The following ADCY3 variants were observed in gnomAD, a reference collection of about 807,000 sequenced individuals.
The protein encoded by ADCY3 is adenylate cyclase type 3.
A neutral mutation model predicts 119.4 loss-of-function variants in ADCY3; 70 were observed. The observed-to-expected ratio is 0.59, with a 90% CI of 0.48 to 0.72. ADCY3 has a LOEUF of 0.72. Ranked by LOEUF, ADCY3 falls within the 30% of genes least tolerant of loss-of-function variation. The probability of loss-of-function intolerance (pLI) is 0.00; values close to 1 mark genes in which losing one functional copy is unlikely to be tolerated. For missense variants in ADCY3, 1,238 were observed against 1,541.6 expected (o/e 0.80, Z 3.30); for synonymous variants, 672 against 621.4 (o/e 1.08, Z -1.21).
intron 3 of ADCY3, among the ~76,000 whole-genome samples, chr2:24,849,737 C>A (rs901413356): frequency 6.6e-6 from 1 of 152,164 alleles, no homozygotes; most frequent in African/African-American, 2.4e-5. Flanking sequence ...CACACGGAAC[C>A]TGACAGAGGG....
intron 2 of ADCY3, among the ~76,000 whole-genome samples, chr2:24,891,077 C>A (rs1246112687): frequency 6.6e-6 from 1 of 152,096 alleles, no homozygotes; most frequent in Non-Finnish European, 1.5e-5. Context: ...GCCATGTTGG[C>A]CAGGCTGGTC....
intron 2 of ADCY3, among the ~76,000 whole-genome samples, chr2:24,913,128 G>C (rs1298548864): frequency 2.0e-5 from 3 of 152,312 alleles, no homozygotes; most frequent in Non-Finnish European, 2.9e-5. Context: ...GGACTGGCTT[G>C]AGTTTGCCTC....
At chr2:24,832,632 T>A (rs747182055) in intron 11 of ADCY3, among the ~76,000 whole-genome samples, 2 of 152,286 alleles carry the variant, frequency 1.3e-5, no homozygotes, top group Middle Eastern at 3.4e-3. Flanking sequence ...CTTGAGACAC[T>A]TTTCTCGCTT....
In ADCY3 at chr2:24,918,799, C is replaced by T; in HGVS notation, c.189G>A (p.Glu63=). The change falls in exon 2 of 22, where the codon GAG becomes GAA. Residue 63 remains glutamate, a synonymous_variant. Coordinates refer to ENST00000679454, the MANE Select transcript of ADCY3 (RefSeq NM_004036.5). This position sits in a 1 kb window ranked among gnomAD's most constrained non-coding sequence, Gnocchi z 5.4. ...MRLTFVPESL[E]NLYQTYFKRQ... ...TTTTGAAGTAGGTCTGGTAGAGGTT[C>T]TCCAAGGACTCCGGCACGAAAGTCA... is the stretch of plus-strand genomic sequence containing the variant. The T allele has an allele frequency of 6.2e-7, 1 of 1,613,882 alleles. No individual in the cohort carries two copies. The highest frequency in any genetic ancestry group is 8.5e-7 in the Non-Finnish European group (1 of 1,180,030).
In ADCY3 at chr2:24,842,580, T is replaced by C. The variant is rs1317984466; in HGVS notation, c.826-196A>G. ...AGGCAGCTTCTGGCCCTGACAAGGC[T>C]GAGGGTGGCAATGGCCCCTTCAGAG... is the stretch of plus-strand genomic sequence containing the variant. On this transcript the variant is annotated intron_variant, in intron 3 of 21. Coordinates refer to ENST00000679454, the MANE Select transcript of ADCY3 (RefSeq NM_004036.5). This position sits in a 1 kb window ranked among gnomAD's most constrained non-coding sequence, Gnocchi z 4.9. 10 of 660,444 alleles carry C rather than the reference T, an allele frequency of 1.5e-5. No homozygotes were observed. The highest frequency in any genetic ancestry group is 3.6e-5 in the African/African-American group (2 of 54,896). The allele number at this position is 660,444 out of a possible 1,614,324, so 40.9% of individuals were successfully genotyped here.
At chr2:24,897,909 C>T (rs993747250) in intron 2 of ADCY3, among the ~76,000 whole-genome samples, 1 of 152,152 alleles carries the variant, frequency 6.6e-6, no homozygotes, top group African/African-American at 2.4e-5. Flanking sequence ...CATCACCGTT[C>T]GCTGCCAGAA....
intron 3 of ADCY3, among the ~76,000 whole-genome samples, chr2:24,849,133 C>T (rs974577484): frequency 6.6e-6 from 1 of 152,228 alleles, no homozygotes; most frequent in African/African-American, 2.4e-5. Context: ...GTGGCTCCTG[C>T]AGCCACAGCC....
chr2:24,858,472 G>C (rs1673267207), intron 3 of ADCY3, among the ~76,000 whole-genome samples: 1 of 152,138 alleles, frequency 6.6e-6, no homozygotes, highest in Admixed American at 6.5e-5. Context: ...CTCCCAAATA[G>C]AGCCAGGAGG....
chr2:24,834,990 A>T lies in ADCY3; in HGVS notation c.1663-54T>A. On this transcript the variant is annotated intron_variant, in intron 9 of 21. Transcript: ENST00000679454. This position sits in a 1 kb window ranked among gnomAD's most constrained non-coding sequence, Gnocchi z 4.2. ...GGCAGATGGGACAGAGTGGTGGGGAAGAGCTGGGAAAGACAGAGGTGGAGG... is the reference window on the plus strand; with the variant it reads ...GGCAGATGGGACAGAGTGGTGGGGATGAGCTGGGAAAGACAGAGGTGGAGG... 3 of 1,584,124 alleles carry T rather than the reference A, an allele frequency of 1.9e-6. No homozygotes were observed. Among genetic ancestry groups the T allele is most frequent in the African/African-American group, 1.3e-5 (1 of 74,684 alleles).
At chr2:24,909,211 G>A (rs1330547123) in intron 2 of ADCY3, among the ~76,000 whole-genome samples, 1 of 151,958 alleles carries the variant, frequency 6.6e-6, no homozygotes, top group African/African-American at 2.4e-5. Flanking sequence ...ATGGTGCCAC[G>A]CCTGGACTCC....
At chr2:24,874,624 TG>T (rs2148828126) in intron 2 of ADCY3, among the ~76,000 whole-genome samples, 1 of 152,314 alleles carries the variant, frequency 6.6e-6, no homozygotes, top group East Asian at 1.9e-4. Context: ...CTTCTGGCCT[TG>T]CTTTTCCCCT....
intron 19 of ADCY3, 98 bp from the exon 20 acceptor site, chr2:24,821,738 C>T (rs1449973484): frequency 3.3e-6 from 5 of 1,517,518 alleles, no homozygotes; most frequent in South Asian, 1.3e-5. Context: ...GGATTCCCTA[C>T]ACCTAGATGT....
intron 2 of ADCY3, among the ~76,000 whole-genome samples, chr2:24,907,023 C>T (rs1400055459): frequency 6.6e-6 from 1 of 152,024 alleles, no homozygotes; most frequent in African/African-American, 2.4e-5. Context: ...CCCAGCTACT[C>T]GGAAGGCTGA....
At chr2:24,917,380 G>A (rs1664583359) in intron 2 of ADCY3, among the ~76,000 whole-genome samples, 1 of 152,208 alleles carries the variant, frequency 6.6e-6, no homozygotes, top group Non-Finnish European at 1.5e-5. Flanking sequence ...AGCCTCTCTT[G>A]ACCATCATTG....
chr2:24,903,084 T>C (rs59633383), intron 2 of ADCY3, among the ~76,000 whole-genome samples: 12,357 of 150,624 alleles, frequency 0.082, 1,623 homozygotes, highest in African/African-American at 0.28. Context: ...GAGGCGAAGA[T>C]TGCAGTGAGC....
intron 2 of ADCY3, among the ~76,000 whole-genome samples, chr2:24,875,026 C>T (rs796183520): frequency 5.3e-5 from 8 of 152,236 alleles, no homozygotes; most frequent in African/African-American, 1.9e-4. Flanking sequence ...AGGTAGACAA[C>T]CGAGGGGGTA....
intron 3 of ADCY3, among the ~76,000 whole-genome samples, chr2:24,848,475 CT>C (rs1671909564): frequency 6.6e-6 from 1 of 152,162 alleles, no homozygotes; most frequent in African/African-American, 2.4e-5. Context: ...TGTGAGACCC[CT>C]GATTTCCCAC....
chr2:24,834,982 G>C lies in ADCY3; in HGVS notation c.1663-46C>G, dbSNP rs769619065. On this transcript the variant is annotated intron_variant, in intron 9 of 21. Transcript: ENST00000679454. This position sits in a 1 kb window ranked among gnomAD's most constrained non-coding sequence, Gnocchi z 4.2. The stretch of plus-strand genomic sequence containing the variant: ...GTGAGTGGGGCAGATGGGACAGAGT[G>C]GTGGGGAAGAGCTGGGAAAGACAGA... 3 of 1,592,646 alleles carry C rather than the reference G, an allele frequency of 1.9e-6. No individual in the cohort carries two copies. Among genetic ancestry groups the C allele is most frequent in the South Asian group, 1.1e-5 (1 of 90,064 alleles).
At chr2:24,820,971 C>T in intron 20 of ADCY3, 123 bp from the exon 21 acceptor site, 1 of 1,407,116 alleles carries the variant, frequency 7.1e-7, no homozygotes, top group East Asian at 2.3e-5. Context: ...TGTCCTCATT[C>T]AACTTGGCTG....
Sources: gnomAD v4.1 joint callset for allele counts (sites outside exome capture counted in the v4.1 genomes callset) on GRCh38, gnomAD v4.1.1 for gene constraint, Gnocchi (gnomAD v3.1) non-coding constraint, MANE v1.5 for transcripts, NCBI Gene and HGNC (gene_info 2026-07-23, HGNC 2026-07-21) for gene names.